The following CHODL variants were observed in gnomAD, a reference collection of about 807,000 sequenced individuals.
CHODL encodes chondrolectin.
CHODL carries 29 observed loss-of-function variants against 34.5 expected under a neutral mutation model. That is an observed-to-expected ratio of 0.84 (90% CI 0.63 to 1.15). The LOEUF (loss-of-function observed/expected upper bound fraction) is 1.15. CHODL is among the 50% of genes most tolerant of loss of function. CHODL has a pLI of 0.00. For synonymous variants in CHODL, 125 were observed against 116.1 expected (o/e 1.08, Z -0.49); for missense variants, 332 against 332.5 (o/e 1.00, Z 0.01).
intron 2 of CHODL, among the ~76,000 whole-genome samples, chr21:18,148,264 C>A (rs542522466): frequency 5.3e-5 from 8 of 152,176 alleles, no homozygotes; most frequent in African/African-American, 1.9e-4. Context: ...CAAAGATAAA[C>A]CTTATGTCTT....
chr21:18,169,134 A>G (rs2073194482), intron 2 of CHODL, among the ~76,000 whole-genome samples: 1 of 152,130 alleles, frequency 6.6e-6, no homozygotes, highest in South Asian at 2.1e-4. Flanking sequence ...TCACCAGTAG[A>G]ACCATCAAAG....
intron 2 of CHODL, chr21:18,134,370 A>T (rs1167340338): frequency 1.9e-6 from 1 of 517,202 alleles, no homozygotes; most frequent in African/African-American, 1.9e-5. Flanking sequence ...TGAAAGGTGG[A>T]GGTGTTTTAA....
At chr21:18,061,060 A>C (rs1189831802) in intron 2 of CHODL, among the ~76,000 whole-genome samples, 1 of 152,218 alleles carries the variant, frequency 6.6e-6, no homozygotes. Context: ...ATGAGACGCA[A>C]ATAACATTTC....
chr21:18,174,139 AT>A (rs2073270816), intron 2 of CHODL, among the ~76,000 whole-genome samples: 1 of 88,428 alleles, frequency 1.1e-5, no homozygotes, highest in African/African-American at 4.0e-5. Context: ...ATATATATAT[AT>A]ATATATATAT....
At chr21:18,215,022 C>T (rs1289283956) in intron 2 of CHODL, among the ~76,000 whole-genome samples, 2 of 151,838 alleles carry the variant, frequency 1.3e-5, no homozygotes, top group Non-Finnish European at 2.9e-5. Flanking sequence ...CATGATAAAA[C>T]AACTGTAATA....
chr21:18,028,225 CTCCCCTCCCCT>C (rs1308833407), intron 2 of CHODL, among the ~76,000 whole-genome samples: 4 of 106,570 alleles, frequency 3.8e-5, no homozygotes, highest in African/African-American at 1.4e-4. Context: ...CTCCCCTCCC[CTCCCCTCCCCT>C]TCCCCTTCCC....
chr21:18,099,688 C>G (rs1276356921), intron 2 of CHODL, among the ~76,000 whole-genome samples: 2 of 152,014 alleles, frequency 1.3e-5, no homozygotes, highest in Non-Finnish European at 2.9e-5. Flanking sequence ...AGTTTCAAGC[C>G]AAAACCTCAA....
chr21:18,158,569 G>A (rs1205745540), intron 2 of CHODL, among the ~76,000 whole-genome samples: 1 of 152,188 alleles, frequency 6.6e-6, no homozygotes, highest in Non-Finnish European at 1.5e-5. Context: ...CTGGCACGGT[G>A]GCTCATGCCT....
chr21:18,243,625 G>A (rs985396906), upstream of CHODL, among the ~76,000 whole-genome samples: 3 of 151,588 alleles, frequency 2.0e-5, no homozygotes, highest in African/African-American at 7.3e-5. Flanking sequence ...TCACTGCAGC[G>A]TCAAACTCCT....
intron 2 of CHODL, among the ~76,000 whole-genome samples, chr21:18,031,184 C>T (rs1212450069): frequency 6.6e-6 from 1 of 152,118 alleles, no homozygotes; most frequent in African/African-American, 2.4e-5. Context: ...CTGCCAACTC[C>T]ACTGAACTTC....
chr21:18,260,857 C>A (rs1179138104), intron 4 of CHODL, among the ~76,000 whole-genome samples: 1 of 151,356 alleles, frequency 6.6e-6, no homozygotes, highest in African/African-American at 2.5e-5. Flanking sequence ...CAAAAAAACA[C>A]CACCAACAAC....
rs1365681198 is a variant in CHODL at position 18,256,779 on chromosome 21, A to G, written c.350A>G (p.Asp117Gly). 1.2e-6 allele frequency: 2 copies of G among 1,614,122 alleles called. No individual in the cohort carries two copies. The highest frequency in any genetic ancestry group is 2.2e-5 in the East Asian group (1 of 44,880). Residue 117 changes from aspartate to glycine, a missense_variant, in exon 2 of 6, where the codon GAT becomes GGT. Asp to Gly is a moderately conservative substitution (Grantham distance 94). Transcript: ENST00000299295. ...GGGCAAACATCTGGTGCCTGCCCAG[A>G]TCTCTACCAGTGGTCTGATGGAAGC... ...GDGQTSGACP[D>G]LYQWSDGSNS...
intron 2 of CHODL, among the ~76,000 whole-genome samples, chr21:18,156,899 A>G (rs899801342): frequency 1.3e-5 from 2 of 152,174 alleles, no homozygotes; most frequent in African/African-American, 4.8e-5. Flanking sequence ...GTTCACTCTC[A>G]TGTTGATCCT....
intron 1 of CHODL, among the ~76,000 whole-genome samples, chr21:17,926,387 T>C (rs1344114208): frequency 1.3e-5 from 2 of 151,928 alleles, no homozygotes; most frequent in Admixed American, 1.3e-4. Flanking sequence ...TTTTTTTTTT[T>C]TTTTTCCTGA....
At chr21:18,218,642 G>T (rs191267212) in intron 2 of CHODL, among the ~76,000 whole-genome samples, 1 of 152,252 alleles carries the variant, frequency 6.6e-6, no homozygotes, top group Admixed American at 6.5e-5. Context: ...CCAGAGAATG[G>T]GTTTTTCTTT....
At chr21:17,927,147 TATGTATATATATGTA>T in intron 1 of CHODL, among the ~76,000 whole-genome samples, 1 of 62,280 alleles carries the variant, frequency 1.6e-5, no homozygotes, top group Non-Finnish European at 4.0e-5. Context: ...TATATGTATA[TATGTATATATATGTA>T]TATATGTATA....
intron 2 of CHODL, among the ~76,000 whole-genome samples, chr21:18,222,557 A>G (rs1415558409): frequency 2.0e-5 from 3 of 152,056 alleles, no homozygotes; most frequent in Non-Finnish European, 4.4e-5. Context: ...CTTGGGCTGC[A>G]GCTGTCTGTG....
At chr21:18,027,128 G>C (rs933051251) in intron 1 of CHODL, among the ~76,000 whole-genome samples, 1 of 150,496 alleles carries the variant, frequency 6.6e-6, no homozygotes, top group African/African-American at 2.4e-5. Flanking sequence ...AAAAAAATTA[G>C]CTGAGTGTGG....
chr21:18,173,003 TC>T (rs747169761), intron 2 of CHODL, among the ~76,000 whole-genome samples: 8 of 152,210 alleles, frequency 5.3e-5, no homozygotes, highest in Admixed American at 2.0e-4. Flanking sequence ...TCTGAGGCTC[TC>T]AGCTCCTAGA....
Sources: allele counts gnomAD v4.1 joint callset (sites outside exome capture counted in the v4.1 genomes callset), GRCh38; gene constraint gnomAD v4.1.1; transcripts MANE v1.5; gene names NCBI Gene and HGNC (gene_info 2026-07-23, HGNC 2026-07-21).